Variants in SCML2 observed in about 807,000 individuals in gnomAD.
SCML2 encodes sex comb on midleg-like protein 2.
A neutral mutation model predicts 48.4 loss-of-function variants in SCML2; 6 were observed. The observed-to-expected ratio is 0.12, with a 90% confidence interval of 0.07 to 0.24. The LOEUF is 0.24. SCML2 is among the 10% of genes least tolerant of loss of function. The pLI is 1.00. For missense variants in SCML2, 377 were observed against 528.2 expected, an observed-to-expected ratio of 0.71 and a Z score of 2.81; for synonymous variants, 181 against 189.5, an observed-to-expected ratio of 0.95 and a Z score of 0.37.
At chrX:18,337,270 C>A (rs1445980053) in intron 1 of SCML2, among the ~76,000 whole-genome samples, 1 of 83,325 alleles carries the variant, frequency 1.2e-5, no homozygotes. Flanking sequence ...CCACTCACTG[C>A]ACTCCGGCCT....
intron 6 of SCML2, among the ~76,000 whole-genome samples, chrX:18,316,021 C>A (rs1929110232): frequency 9.0e-6 from 1 of 110,946 alleles, no homozygotes; most frequent in African/African-American, 3.3e-5. Flanking sequence ...AGTGAGTGGA[C>A]CTCCAGAGGC....
intron 7 of SCML2, among the ~76,000 whole-genome samples, chrX:18,275,109 T>A (rs1253226651): frequency 8.9e-6 from 1 of 112,370 alleles, no homozygotes; most frequent in African/African-American, 3.2e-5. Flanking sequence ...TAAATGTATT[T>A]GATTGCAGTC....
chrX:18,256,540 G>A (rs1217448625), intron 11 of SCML2, among the ~76,000 whole-genome samples: 3 of 111,540 alleles, frequency 2.7e-5, no homozygotes, highest in Non-Finnish European at 5.6e-5. Flanking sequence ...AACACGCTTT[G>A]CTAACTTCTG....
chrX:18,271,615 C>T (rs777007809), intron 7 of SCML2, among the ~76,000 whole-genome samples: 1 of 110,005 alleles, frequency 9.1e-6, no homozygotes, highest in Non-Finnish European at 1.9e-5. Context: ...AGAGTATCCC[C>T]CCGTTATCCA....
intron 8 of SCML2, among the ~76,000 whole-genome samples, chrX:18,261,898 TATTAG>T (rs1300612770): frequency 9.1e-6 from 1 of 110,263 alleles, no homozygotes; most frequent in Admixed American, 9.5e-5. Flanking sequence ...CTACCATTTA[TATTAG>T]AACAATCTGC....
chrX:18,306,284 A>G (rs189237318), intron 6 of SCML2, among the ~76,000 whole-genome samples: 3 of 111,019 alleles, frequency 2.7e-5, no homozygotes. Flanking sequence ...CCATAATTCA[A>G]TTAAAAACCA....
intron 7 of SCML2, among the ~76,000 whole-genome samples, chrX:18,287,005 A>G (rs1928077154): frequency 1.8e-5 from 2 of 110,743 alleles, no homozygotes; most frequent in Admixed American, 1.9e-4. Flanking sequence ...GATGGATGAC[A>G]TGGCCAGAGT....
chrX:18,315,989 C>A (rs757224970), intron 6 of SCML2, among the ~76,000 whole-genome samples: 12 of 110,367 alleles, frequency 1.1e-4, no homozygotes, highest in Non-Finnish European at 1.1e-4. Flanking sequence ...AGAAACAGGA[C>A]AAATAAATAA....
At chrX:18,321,348 T>C (rs1244770530) in intron 5 of SCML2, among the ~76,000 whole-genome samples, 3 of 111,056 alleles carry the variant, frequency 2.7e-5, no homozygotes, top group Non-Finnish European at 5.7e-5. Context: ...CTAGTTTTAC[T>C]GCTTTCTGGG....
At chrX:18,251,596 G>A (rs183722429) in intron 11 of SCML2, among the ~76,000 whole-genome samples, 17 of 111,740 alleles carry the variant, frequency 1.5e-4, no homozygotes, top group South Asian at 3.7e-4. Context: ...ATACCATTTC[G>A]CACCTGCTAG....
At chrX:18,334,362 GA>G (rs1286207205) in intron 1 of SCML2, among the ~76,000 whole-genome samples, 1 of 111,967 alleles carries the variant, frequency 8.9e-6, no homozygotes, top group Admixed American at 9.6e-5. Flanking sequence ...GCCTTGTTGT[GA>G]AAATACTAAA....
intron 1 of SCML2, among the ~76,000 whole-genome samples, chrX:18,346,562 T>G (rs1930207480): frequency 1.8e-5 from 2 of 112,077 alleles, no homozygotes; most frequent in South Asian, 7.4e-4. Context: ...GTGACGGAAG[T>G]TATTATACAT....
chrX:18,323,437 G>T (rs1328359896), intron 5 of SCML2, among the ~76,000 whole-genome samples: 1 of 111,848 alleles, frequency 8.9e-6, no homozygotes, highest in Non-Finnish European at 1.9e-5. Context: ...GAACCTGAAT[G>T]TGGAATCATA....
intron 11 of SCML2, among the ~76,000 whole-genome samples, chrX:18,255,906 G>A (rs1663124757): frequency 8.9e-6 from 1 of 111,950 alleles, no homozygotes; most frequent in African/African-American, 3.3e-5. Flanking sequence ...ACTCTTAAAA[G>A]ACCCACATAC....
At chrX:18,308,088 G>A (rs1462479333) in intron 6 of SCML2, among the ~76,000 whole-genome samples, 1 of 100,498 alleles carries the variant, frequency 1.0e-5, no homozygotes, top group Non-Finnish European at 2.0e-5. Flanking sequence ...ATCAAGACTC[G>A]TCTCAAAAGA....
At chrX:18,271,449 G>T (rs1035986751) in intron 7 of SCML2, among the ~76,000 whole-genome samples, 1 of 106,565 alleles carries the variant, frequency 9.4e-6, no homozygotes, top group Non-Finnish European at 1.9e-5. Context: ...GTGTGTGTGT[G>T]TTTTTTTTTA....
In SCML2 at chrX:18,294,826, G is replaced by A. The variant is rs763497149; in HGVS notation, c.730+10146C>T. Among the ~76,000 whole-genome samples, 476 of 111,139 alleles carry A rather than the reference G, an allele frequency of 4.3e-3. 4 individuals carry two copies. Among genetic ancestry groups the A allele is most frequent in the African/African-American group, 0.015 (455 of 30,579 alleles). Reference sequence around the variant, plus strand: ...CAGGACAAAGGGAGCCAAAGCACGTGCTCCATAGAGTCTAAGAACCACCTA... The same window carrying A: ...CAGGACAAAGGGAGCCAAAGCACGTACTCCATAGAGTCTAAGAACCACCTA... On this transcript the variant is annotated intron_variant, in intron 7 of 14. Transcript: ENST00000251900.
intron 7 of SCML2, among the ~76,000 whole-genome samples, chrX:18,270,760 GATTT>G (rs1232466478): frequency 2.7e-5 from 3 of 110,805 alleles, no homozygotes; most frequent in African/African-American, 9.9e-5. Flanking sequence ...ATAGGAAATG[GATTT>G]GTTTAAATAA....
At chrX:18,341,898 T>C (rs141601156) in intron 1 of SCML2, among the ~76,000 whole-genome samples, 5 of 112,437 alleles carry the variant, frequency 4.4e-5, no homozygotes, top group African/African-American at 9.7e-5. Flanking sequence ...ATGGAGATTA[T>C]AGATGTAAAG....
Sources: gnomAD v4.1 joint callset for allele counts (sites outside exome capture counted in the v4.1 genomes callset) on GRCh38, gnomAD v4.1.1 for gene constraint, MANE v1.5 for transcripts, NCBI Gene and HGNC (gene_info 2026-07-23, HGNC 2026-07-21) for gene names.